Variants in ATP10A observed in about 807,000 individuals in gnomAD.
The protein encoded by ATP10A is phospholipid-transporting ATPase VA.
Under a neutral mutation model 147.8 loss-of-function variants are expected in ATP10A, and 111 were observed. That is an observed-to-expected ratio of 0.75 (90% CI 0.64 to 0.88). The LOEUF (loss-of-function observed/expected upper bound fraction) is 0.88, where lower values mean the gene tolerates loss of function less well. Ranked by LOEUF, ATP10A falls within the 40% of genes least tolerant of loss-of-function variation. The pLI is 0.00. For synonymous variants in ATP10A, 875 were observed against 841.6 expected, an observed-to-expected ratio of 1.04 and a Z score of -0.69; for missense variants, 1,927 against 1,959.0, an observed-to-expected ratio of 0.98 and a Z score of 0.31.
In ATP10A at chr15:25,718,322, G is replaced by C. The variant is rs149355122; in HGVS notation, c.1441C>G (p.Arg481Gly). The change falls in exon 8 of 21, where the codon CGC becomes GGC. Residue 481 changes from arginine to glycine, a missense_variant. Transcript: ENST00000555815. Reference protein sequence around the residue: ...VVPRGGSVSQRGSIGSHQSVR... With the variant: ...VVPRGGSVSQGGSIGSHQSVR... The stretch of plus-strand genomic sequence containing the variant: ...CTCTGGTGGCTGCCGATGCTGCCGC[G>C]CTGGGACACCGAGCCCCCTCTGGGC... 1 of 1,611,114 alleles carries C rather than the reference G, an allele frequency of 6.2e-7. No individual in the cohort carries two copies. The highest frequency in any genetic ancestry group is 8.5e-7 in the Non-Finnish European group (1 of 1,179,718).
At chr15:25,728,856 G>A (rs978543455) in intron 3 of ATP10A, among the ~76,000 whole-genome samples, 1 of 152,174 alleles carries the variant, frequency 6.6e-6, no homozygotes, top group Non-Finnish European at 1.5e-5. Flanking sequence ...AAGGAAGAGC[G>A]AATGCGAGGG....
At chr15:25,860,648 G>A (rs1372628125) in intron 1 of ATP10A, among the ~76,000 whole-genome samples, 3 of 152,192 alleles carry the variant, frequency 2.0e-5, no homozygotes, top group South Asian at 4.1e-4. Context: ...GATATCTGGA[G>A]TCAAGGGCAG....
At chr15:25,714,689 A>C (rs1458083503) in intron 9 of ATP10A, among the ~76,000 whole-genome samples, 1 of 152,068 alleles carries the variant, frequency 6.6e-6, no homozygotes, top group Non-Finnish European at 1.5e-5. Context: ...CCTGCACTAC[A>C]GTGTCCCCTT....
At chr15:25,806,317 C>CTTTTT (rs1891179024) in intron 1 of ATP10A, among the ~76,000 whole-genome samples, 1 of 102,966 alleles carries the variant, frequency 9.7e-6, no homozygotes, top group South Asian at 3.5e-4. Context: ...TTAAGATTTT[C>CTTTTT]TTTTCTTTTC....
rs573005947 is a variant in ATP10A, at chr15:25,708,288, C to T, written c.2357G>A (p.Gly786Glu). 1.2e-6 allele frequency: 2 copies of T among 1,614,016 alleles called. No individual in the cohort carries two copies. Among genetic ancestry groups the T allele is most frequent in the Admixed American group, 3.3e-5 (2 of 60,014 alleles). Residue 786 changes from glycine to glutamate, a missense_variant, in exon 11 of 21, where the codon GGG becomes GAG. Gly to Glu is a moderately conservative substitution (Grantham distance 98, BLOSUM62 -2). Transcript: ENST00000555815. ...GCTCCGAATCTTTTTTTGATGCCTC[C>T]CTCTGGCGTCAACTAGGTTGGAGAA... ...LQPCSSVDAR[G>E]RHQKKIRSKT...
intron 12 of ATP10A, among the ~76,000 whole-genome samples, chr15:25,705,907 C>A (rs1900978649): frequency 6.6e-6 from 1 of 152,188 alleles, no homozygotes; most frequent in African/African-American, 2.4e-5. Flanking sequence ...ATGTGGGCAA[C>A]CCAGGAGTTC....
chr15:25,679,437 T>C lies in ATP10A; in HGVS notation c.4404A>G (p.Gly1468=), dbSNP rs1899239974. 1 of 1,613,890 alleles carries C rather than the reference T, an allele frequency of 6.2e-7. No homozygotes were observed. The highest frequency in any genetic ancestry group is 1.3e-5 in the African/African-American group (1 of 74,928). The change falls in exon 21 of 21, where the codon GGA becomes GGG. Residue 1468 remains glycine (G), a synonymous_variant. Coordinates refer to ENST00000555815, the MANE Select transcript of ATP10A (RefSeq NM_024490.4). ...RTEQLADGQA[G]RGLPVQPHSG... is the part of the protein sequence containing the mutation. ...AGTGGGGCTGGACAGGAAGTCCACG[T>C]CCCGCTTGTCCATCTGCAAGCTGCT...
At chr15:25,776,951 C>T (rs1889635678) in intron 2 of ATP10A, among the ~76,000 whole-genome samples, 1 of 152,168 alleles carries the variant, frequency 6.6e-6, no homozygotes, top group Non-Finnish European at 1.5e-5. Context: ...TGGCCCCAAA[C>T]CCCTAACAAA....
At chr15:25,794,681 G>A (rs1890584140) in intron 1 of ATP10A, among the ~76,000 whole-genome samples, 2 of 152,174 alleles carry the variant, frequency 1.3e-5, no homozygotes, top group Admixed American at 6.5e-5. Context: ...CAGTGCCCTC[G>A]CGAAACTGAC....
chr15:25,691,666 A>G (rs1335289093), intron 15 of ATP10A, 49 bp downstream of exon 15: 1 of 1,587,556 alleles, frequency 6.3e-7, no homozygotes, highest in Non-Finnish European at 8.7e-7. Context: ...ACAGGACAAG[A>G]GGTCAGTAGG....
chr15:25,721,511 T>C, intron 7 of ATP10A, 146 bp downstream of exon 7: 1 of 1,228,584 alleles, frequency 8.1e-7, no homozygotes, highest in Non-Finnish European at 1.1e-6. Context: ...GCCACGTCTT[T>C]ATACTCCCTT....
At chr15:25,772,287 C>T (rs973793653) in intron 2 of ATP10A, among the ~76,000 whole-genome samples, 3 of 152,148 alleles carry the variant, frequency 2.0e-5, no homozygotes, top group Non-Finnish European at 2.9e-5. Flanking sequence ...CTCCTCCGAA[C>T]GTCCCCCACC....
chr15:25,710,919 G>A (rs189079043), intron 10 of ATP10A: 7 of 152,344 alleles, frequency 4.6e-5, no homozygotes, highest in African/African-American at 9.6e-5. Context: ...CCGAGTGGAC[G>A]CTGGACATCA....
intron 2 of ATP10A, among the ~76,000 whole-genome samples, chr15:25,752,994 G>A (rs1888231895): frequency 6.6e-6 from 1 of 151,798 alleles, no homozygotes; most frequent in African/African-American, 2.4e-5. Flanking sequence ...TAAATTTATG[G>A]GGTATAAAGT....
chr15:25,863,366 C>T (rs1185502773), upstream of ATP10A, among the ~76,000 whole-genome samples: 4 of 151,910 alleles, frequency 2.6e-5, no homozygotes, highest in African/African-American at 4.8e-5. Context: ...CCTCGCCGCC[C>T]GCCCCCGGCC....
intron 1 of ATP10A, among the ~76,000 whole-genome samples, chr15:25,837,311 T>C (rs1007088953): frequency 3.9e-5 from 6 of 152,198 alleles, no homozygotes; most frequent in African/African-American, 1.4e-4. Flanking sequence ...GAAAATTGTA[T>C]ATACACACAA....
chr15:25,808,505 CTCCGGAGCA>C (rs1458083360), intron 1 of ATP10A, among the ~76,000 whole-genome samples: 1 of 152,236 alleles, frequency 6.6e-6, no homozygotes, highest in African/African-American at 2.4e-5. Flanking sequence ...CTTCCTCAGC[CTCCGGAGCA>C]GCTGGGATTA....
chr15:25,727,392 G>A lies in ATP10A; in HGVS notation c.741-126C>T, dbSNP rs921495922. ...CTTGGGGCCGCTGGGATCTGGACTG[G>A]GAAGGGTACAGGGGGCCCCCGAGAG... On this transcript the variant is annotated intron_variant, in intron 3 of 20. Transcript: ENST00000555815. 4 of 878,088 alleles carry A rather than the reference G, an allele frequency of 4.6e-6. No individual in the cohort carries two copies. In the African/African-American group the frequency reaches 6.7e-5, roughly 15 times the overall value. 54.4% of individuals were successfully genotyped at this position (878,088 alleles called of 1,614,324 possible).
chr15:25,771,029 A>G (rs7171474), intron 2 of ATP10A, among the ~76,000 whole-genome samples: 7,585 of 152,250 alleles, frequency 0.05, 257 homozygotes, highest in African/African-American at 0.093. Context: ...AAAATGCTGT[A>G]GAAAGTGCAT....
Sources: allele counts gnomAD v4.1 joint callset (sites outside exome capture counted in the v4.1 genomes callset), GRCh38; gene constraint gnomAD v4.1.1; transcripts MANE v1.5; gene names NCBI Gene and HGNC (gene_info 2026-07-23, HGNC 2026-07-21).